Variants in IQSEC1 observed in about 807,000 individuals in gnomAD.
IQSEC1 encodes the protein IQ motif and SEC7 domain-containing protein 1.
A neutral mutation model predicts 91.0 loss-of-function variants in IQSEC1; 31 were observed. The ratio of observed to expected loss-of-function variants is 0.34; its 90% CI spans 0.26 to 0.46. The LOEUF is 0.46. IQSEC1 is among the 20% of genes least tolerant of loss of function. The probability of loss-of-function intolerance (pLI) is 1.00; values close to 1 mark genes in which losing one functional copy is unlikely to be tolerated. For synonymous variants in IQSEC1, 699 were observed against 662.6 expected (o/e 1.05, Z -0.84); for missense variants, 1,388 against 1,575.6 (o/e 0.88, Z 2.02).
At chr3:12,963,190 G>T (rs562158555) in intron 1 of IQSEC1, among the ~76,000 whole-genome samples, 1 of 152,246 alleles carries the variant, frequency 6.6e-6, no homozygotes, top group Non-Finnish European at 1.5e-5. Context: ...TTAGAAACAG[G>T]GAGGGGACGC....
chr3:13,064,798 T>G (rs899997251), intron 1 of IQSEC1, among the ~76,000 whole-genome samples: 1 of 152,256 alleles, frequency 6.6e-6, no homozygotes, highest in Non-Finnish European at 1.5e-5. Flanking sequence ...CATAAATATC[T>G]GTGTGGATTC....
intron 1 of IQSEC1, among the ~76,000 whole-genome samples, chr3:13,203,169 A>T (rs1488235904): frequency 6.9e-6 from 1 of 144,180 alleles, no homozygotes; most frequent in Non-Finnish European, 1.5e-5. Context: ...ACTACTACAC[A>T]CACACACACA....
chr3:13,143,410 C>T (rs373511378), intron 2 of IQSEC1, among the ~76,000 whole-genome samples: 146 of 152,280 alleles, frequency 9.6e-4, no homozygotes, highest in Non-Finnish European at 1.6e-3. Flanking sequence ...CAGAAGCCAG[C>T]GGGTATGTGA....
chr3:12,898,350 C>G lies in IQSEC1; in HGVS notation c.*2633G>C, dbSNP rs1174230756. On this transcript the variant is annotated 3_prime_UTR_variant, in exon 14 of 14. Coordinates refer to ENST00000613206, the MANE Select transcript of IQSEC1 (RefSeq NM_001134382.3). ...ACTTTTGATAAGCTTGCAAATAAAA[C>G]AGAATGAAACCTCACTAGCCTGAAG... 2 of 152,396 alleles carry G rather than the reference C, an allele frequency of 1.3e-5. No homozygotes were observed. The highest frequency in any genetic ancestry group is 2.4e-5 in the African/African-American group (1 of 41,598). The allele number at this position is 152,396 out of a possible 1,614,324, so 9.4% of individuals were successfully genotyped here. A position where few individuals can be genotyped will look rare whatever the true frequency, so the allele number is the denominator to read the frequency against.
intron 1 of IQSEC1, among the ~76,000 whole-genome samples, chr3:12,990,243 A>G (rs948042034): frequency 6.6e-6 from 1 of 152,322 alleles, no homozygotes; most frequent in South Asian, 2.1e-4. Flanking sequence ...CCTGCAGGGC[A>G]TCTCAGCTAA....
At chr3:13,269,987 C>T (rs1269734468) in intron 1 of IQSEC1, among the ~76,000 whole-genome samples, 5 of 152,178 alleles carry the variant, frequency 3.3e-5, no homozygotes, top group Non-Finnish European at 5.9e-5. Flanking sequence ...AGAACACTGG[C>T]TCTGGGGGCC....
chr3:13,053,146 C>T (rs899885483), intron 1 of IQSEC1: 1 of 775,886 alleles, frequency 1.3e-6, no homozygotes, highest in Non-Finnish European at 2.4e-6. Context: ...CTCAAGCACA[C>T]ACCACGATGA....
At chr3:13,085,017 G>A (rs976188250) in intron 2 of IQSEC1, among the ~76,000 whole-genome samples, 8 of 152,274 alleles carry the variant, frequency 5.3e-5, no homozygotes, top group Non-Finnish European at 8.8e-5. Context: ...GGTTGTCCTC[G>A]GACAGAAAAA....
chr3:13,102,251 C>T (rs971632248), intron 2 of IQSEC1, among the ~76,000 whole-genome samples: 1 of 152,056 alleles, frequency 6.6e-6, no homozygotes, highest in Non-Finnish European at 1.5e-5. Flanking sequence ...CCACTGACTC[C>T]AGCCTGGGTG....
chr3:13,260,675 A>G (rs547184395), intron 1 of IQSEC1, among the ~76,000 whole-genome samples: 18 of 152,210 alleles, frequency 1.2e-4, no homozygotes, highest in Non-Finnish European at 1.9e-4. Flanking sequence ...TCTGTGCCAG[A>G]CACTATGCAG....
intron 1 of IQSEC1, among the ~76,000 whole-genome samples, chr3:13,025,986 C>T (rs1196516003): frequency 6.6e-6 from 1 of 152,216 alleles, no homozygotes; most frequent in Non-Finnish European, 1.5e-5. Context: ...GCACATATTG[C>T]CCAGTTATTC....
chr3:13,083,956 C>G (rs1303474550), intron 2 of IQSEC1, among the ~76,000 whole-genome samples: 1 of 152,218 alleles, frequency 6.6e-6, no homozygotes, highest in Non-Finnish European at 1.5e-5. Context: ...GAGAGCCTTC[C>G]CCCCATCCCC....
chr3:13,131,291 T>G (rs1327883758), intron 2 of IQSEC1, among the ~76,000 whole-genome samples: 4 of 152,090 alleles, frequency 2.6e-5, no homozygotes, highest in Non-Finnish European at 4.4e-5. Flanking sequence ...ATATAGCCAT[T>G]CCAATTTTCT....
chr3:13,110,806 G>A (rs1196882823), intron 2 of IQSEC1, among the ~76,000 whole-genome samples: 1 of 152,174 alleles, frequency 6.6e-6, no homozygotes, highest in African/African-American at 2.4e-5. Flanking sequence ...TTCCTGTCAC[G>A]GGTGTGGAGA....
chr3:13,073,145 T>G lies in IQSEC1; in HGVS notation c.-131A>C. 42 of 668,724 alleles carry G rather than the reference T, an allele frequency of 6.3e-5. No individual in the cohort carries two copies. The highest frequency in any genetic ancestry group is 5.1e-4 in the East Asian group (9 of 17,730). The allele number at this position is 668,724 out of a possible 1,614,324, so 41.4% of individuals were successfully genotyped here. A position where few individuals can be genotyped will look rare whatever the true frequency, so the allele number is the denominator to read the frequency against. Reference sequence around the variant, plus strand: ...AATTAAATCGCGGGGCGAGTCACATTCCCGGGGGTGGCGGGCTCCTCCAGG... The same window carrying G: ...AATTAAATCGCGGGGCGAGTCACATGCCCGGGGGTGGCGGGCTCCTCCAGG... On this transcript the variant is annotated 5_prime_UTR_variant, in exon 1 of 14. Transcript: ENST00000613206.
intron 1 of IQSEC1, among the ~76,000 whole-genome samples, chr3:13,013,733 CTGATT>C (rs137994864): frequency 0.061 from 9,318 of 152,274 alleles, 324 homozygotes; most frequent in Non-Finnish European, 0.075. Context: ...GATGGTTTAT[CTGATT>C]TATCACCTTT....
At chr3:12,958,282 G>T (rs1352846893) in intron 1 of IQSEC1, among the ~76,000 whole-genome samples, 1 of 152,200 alleles carries the variant, frequency 6.6e-6, no homozygotes, top group African/African-American at 2.4e-5. Context: ...AAGGCTGGGG[G>T]TAGGAAACAC....
At chr3:13,181,872 C>A (rs1693849771) in intron 1 of IQSEC1, among the ~76,000 whole-genome samples, 1 of 152,208 alleles carries the variant, frequency 6.6e-6, no homozygotes, top group South Asian at 2.1e-4. Flanking sequence ...TTTTATTTAA[C>A]TTGTTCATTG....
At chr3:13,044,751 G>A (rs900952893) in intron 1 of IQSEC1, among the ~76,000 whole-genome samples, 1 of 152,052 alleles carries the variant, frequency 6.6e-6, no homozygotes, top group Admixed American at 6.5e-5. Context: ...AGAGGAAGCC[G>A]GCTGTGCCTT....
Sources: gnomAD v4.1 joint callset for allele counts (sites outside exome capture counted in the v4.1 genomes callset) on GRCh38, gnomAD v4.1.1 for gene constraint, MANE v1.5 for transcripts, NCBI Gene and HGNC (gene_info 2026-07-23, HGNC 2026-07-21) for gene names.